Variants in ATP7A observed in about 807,000 individuals in gnomAD.
ATP7A encodes the protein copper-transporting ATPase 1.
In ATP7A, 7 loss-of-function variants were observed where a neutral mutation model predicts 83.5. The ratio of observed to expected loss-of-function variants is 0.08; its 90% CI spans 0.05 to 0.16. The LOEUF is 0.16. Ranked by LOEUF, ATP7A falls within the 10% of genes least tolerant of loss-of-function variation. The pLI is 1.00. For synonymous variants in ATP7A, 354 were observed against 395.2 expected (o/e 0.90, Z 1.24); for missense variants, 940 against 1,120.8 (o/e 0.84, Z 2.30).
rs926000322 is a variant in ATP7A, at chrX:77,962,541, C to G, written c.-21-9080C>G. On this transcript the variant is annotated intron_variant, in intron 1 of 22. Transcript: ENST00000341514. ...ACCTGGACACCCTCCACTGTTAACA[C>G]CAGCCCTTCCCTGTGGCTGACCCTG... The G allele has an allele frequency of 1.0e-5, 3 of 295,267 alleles. No individual in the cohort carries two copies. In the Admixed American group the frequency reaches 1.1e-4, roughly 11 times the overall value. 24.3% of individuals were successfully genotyped at this position (295,267 alleles called of 1,213,427 possible). A position where few individuals can be genotyped will look rare whatever the true frequency, so the allele number is the denominator to read the frequency against.
intron 7 of ATP7A, 105 bp downstream of exon 7, chrX:78,009,368 C>G (rs781996282): frequency 1.9e-4 from 166 of 860,314 alleles, no homozygotes; most frequent in Non-Finnish European, 2.7e-4. Context: ...AAAAATCTAA[C>G]TCCTTTGAAC....
intron 1 of ATP7A, among the ~76,000 whole-genome samples, chrX:77,920,448 A>C (rs1260810796): frequency 4.6e-5 from 5 of 109,674 alleles, no homozygotes; most frequent in Admixed American, 2.0e-4. Flanking sequence ...TGATCTCCTG[A>C]CCTCGTGATC....
At chrX:78,002,799 TACACACACACACACAC>T (rs781808445) in intron 5 of ATP7A, among the ~76,000 whole-genome samples, 23 of 87,126 alleles carry the variant, frequency 2.6e-4, no homozygotes, top group African/African-American at 4.3e-4. Flanking sequence ...TATGTTCTTA[TACACACACACACACAC>T]ACACACACAC....
At chrX:77,991,022 C>T (rs1557232022) in intron 4 of ATP7A, among the ~76,000 whole-genome samples, 1 of 111,621 alleles carries the variant, frequency 9.0e-6, no homozygotes, top group Non-Finnish European at 1.9e-5. Context: ...CTGTTGGTGA[C>T]AAATGGTAGA....
intron 4 of ATP7A, among the ~76,000 whole-genome samples, chrX:77,990,673 T>C (rs181965554): frequency 1.8e-5 from 2 of 112,204 alleles, no homozygotes; most frequent in Non-Finnish European, 3.8e-5. Flanking sequence ...ACCTTTGAAC[T>C]GAAACAAAAA....
At position 78,015,836 on chromosome X, in the gene ATP7A, C is replaced by A; in HGVS notation, c.2581C>A (p.Arg861Ser). 8.3e-7 allele frequency: 1 copy of A among 1,211,014 alleles called. No individual in the cohort carries two copies. The highest frequency in any genetic ancestry group is 1.8e-5 in the South Asian group (1 of 56,971). The change falls in exon 12 of 23, where the codon CGT becomes AGT. Residue 861 changes from arginine (R) to serine (S), a missense_variant. Physicochemically the swap from Arg to Ser is moderately radical, Grantham distance 110 (BLOSUM62 -1). Coordinates refer to ENST00000341514, the MANE Select transcript of ATP7A (RefSeq NM_000052.7). ...VPGGKFPVDG[R>S]VIEGHSMVDE... ...AGGAGGCAAATTTCCAGTGGATGGTCGTGTTATTGAAGGACATTCTATGGT... is the reference window on the plus strand; with the variant it reads ...AGGAGGCAAATTTCCAGTGGATGGTAGTGTTATTGAAGGACATTCTATGGT...
chrX:77,969,548 T>A (rs2077533259), intron 1 of ATP7A: 2 of 1,211,633 alleles, frequency 1.7e-6, no homozygotes, highest in East Asian at 5.9e-5. Flanking sequence ...CCCGCCGGGC[T>A]CAGATCGGCG....
At chrX:78,011,050 G>A (rs781929537) in intron 7 of ATP7A, 126 bp from the exon 8 acceptor site, 71 of 538,454 alleles carry the variant, frequency 1.3e-4, no homozygotes, top group Non-Finnish European at 2.1e-4. Flanking sequence ...CTTCATCTTT[G>A]TATTCCCCAG....
At chrX:77,936,324 T>C (rs1168301161) in intron 1 of ATP7A, among the ~76,000 whole-genome samples, 1 of 112,370 alleles carries the variant, frequency 8.9e-6, no homozygotes, top group Non-Finnish European at 1.9e-5. Context: ...AGTATTCTTC[T>C]GACAAATAGT....
At chrX:77,932,729 C>G (rs923427851) in intron 1 of ATP7A, among the ~76,000 whole-genome samples, 1 of 112,785 alleles carries the variant, frequency 8.9e-6, no homozygotes, top group African/African-American at 3.2e-5. Context: ...ACAGCGAAAC[C>G]CCGTCTCCAC....
rs1414855865 is a variant in ATP7A, at chrX:78,047,902, A to G, written c.*1332A>G. The G allele has an allele frequency of 9.0e-6, 1 of 111,616 alleles. No individual in the cohort carries two copies. Among genetic ancestry groups the G allele is most frequent in the Non-Finnish European group, 1.9e-5 (1 of 53,154 alleles). 9.2% of individuals were successfully genotyped at this position (111,616 alleles called of 1,213,427 possible). A position where few individuals can be genotyped will look rare whatever the true frequency, so the allele number is the denominator to read the frequency against. ...TGTATTTTTTGAATTGAGTATAATC[A>G]CTTTGCTAGTATATATAATTTAATA... On this transcript the variant is annotated 3_prime_UTR_variant, in exon 23 of 23. Transcript: ENST00000341514.
intron 2 of ATP7A, among the ~76,000 whole-genome samples, chrX:77,987,499 A>G (rs782234384): frequency 9.6e-5 from 10 of 103,929 alleles, no homozygotes; most frequent in African/African-American, 3.6e-4. Context: ...TTCATCATGA[A>G]TCTTTGTAAG....
chrX:77,994,706 A>C (rs902110742), intron 4 of ATP7A, among the ~76,000 whole-genome samples: 1 of 110,119 alleles, frequency 9.1e-6, no homozygotes, highest in Admixed American at 9.8e-5. Context: ...CACCCGGCTA[A>C]TTTTTTTCTA....
At chrX:78,002,381 C>T (rs1169198505) in intron 5 of ATP7A, among the ~76,000 whole-genome samples, 1 of 109,945 alleles carries the variant, frequency 9.1e-6, no homozygotes, top group Non-Finnish European at 1.9e-5. Flanking sequence ...CATGCCCAGC[C>T]GAGTCCCTTT....
chrX:78,036,960 G>C (rs1485028635), intron 17 of ATP7A, among the ~76,000 whole-genome samples: 1 of 111,747 alleles, frequency 8.9e-6, no homozygotes, highest in East Asian at 2.8e-4. Flanking sequence ...TTTTTCTCAT[G>C]GGTTGGATAT....
At chrX:77,932,773 C>T (rs1317008636) in intron 1 of ATP7A, among the ~76,000 whole-genome samples, 1 of 112,573 alleles carries the variant, frequency 8.9e-6, no homozygotes, top group Non-Finnish European at 1.9e-5. Flanking sequence ...GGTGTGGCAG[C>T]GCGCGCCTGC....
chrX:77,956,052 C>T (rs1383830155), intron 1 of ATP7A, among the ~76,000 whole-genome samples: 1 of 111,112 alleles, frequency 9.0e-6, no homozygotes, highest in Non-Finnish European at 1.9e-5. Context: ...CATTGTCGGA[C>T]ATGGATTGAT....
intron 1 of ATP7A, among the ~76,000 whole-genome samples, chrX:77,956,588 G>A (rs184752278): frequency 5.2e-3 from 581 of 111,010 alleles, no homozygotes; most frequent in Middle Eastern, 0.014. Context: ...TGTCTCTCTT[G>A]CTCCCACATC....
chrX:78,045,610 T>C (rs2078078230), intron 22 of ATP7A, 38 bp downstream of exon 22: 1 of 1,082,889 alleles, frequency 9.2e-7, no homozygotes, highest in Admixed American at 2.2e-5. Flanking sequence ...TATTTTGTAT[T>C]CCTGTTATCA....
Sources: gnomAD v4.1 joint callset for allele counts (sites outside exome capture counted in the v4.1 genomes callset) on GRCh38, gnomAD v4.1.1 for gene constraint, MANE v1.5 for transcripts, NCBI Gene and HGNC (gene_info 2026-07-23, HGNC 2026-07-21) for gene names.